Variants in ELF1 observed in about 807,000 individuals in gnomAD.
The protein encoded by ELF1 is E74 like ETS transcription factor 1.
A neutral mutation model predicts 59.9 loss-of-function variants in ELF1; 24 were observed. That is an observed-to-expected ratio of 0.40 (90% CI 0.29 to 0.56). ELF1 has a LOEUF of 0.56. ELF1 is among the 20% of genes least tolerant of loss of function. The pLI is 0.44. For synonymous variants in ELF1, 248 were observed against 266.2 expected (o/e 0.93, Z 0.67); for missense variants, 627 against 742.2 (o/e 0.84, Z 1.80).
At chr13:40,944,909 T>G (rs1870412088) in intron 5 of ELF1, among the ~76,000 whole-genome samples, 1 of 152,112 alleles carries the variant, frequency 6.6e-6, no homozygotes, top group Non-Finnish European at 1.5e-5. Flanking sequence ...CAGTGACAAT[T>G]TATCCCCAGA....
intron 8 of ELF1, among the ~76,000 whole-genome samples, chr13:40,937,976 C>T (rs7326520): frequency 0.52 from 79,514 of 151,806 alleles, 24,404 homozygotes; most frequent in Non-Finnish European, 0.67. Flanking sequence ...GCCACCATAC[C>T]CAGCTAATTT....
rs200136035 is a variant in ELF1 at position 40,975,804 on chromosome 13, GGTAA to G, written c.72+6175_72+6178del. Among the ~76,000 whole-genome samples, 392 of 151,950 alleles carry G rather than the reference GGTAA, an allele frequency of 2.6e-3. 4 individuals are homozygous for G. In the East Asian group the frequency reaches 0.05, roughly 19 times the overall value. On this transcript the variant is annotated intron_variant, in intron 2 of 8. Coordinates refer to ENST00000239882, the MANE Select transcript of ELF1 (RefSeq NM_172373.4). Reference sequence around the variant, plus strand: ...ATATATCCCAGATCATCTAGCAACAGGTAAGTTTTACCTATTTTATAGAAGAGAT... The same window carrying G: ...ATATATCCCAGATCATCTAGCAACAGGTTTTACCTATTTTATAGAAGAGAT...
chr13:40,953,507 C>G (rs1162867738), intron 3 of ELF1, among the ~76,000 whole-genome samples: 1 of 152,124 alleles, frequency 6.6e-6, no homozygotes, highest in African/African-American at 2.4e-5. Flanking sequence ...GACAAGTCAC[C>G]TATAAGTCCA....
intron 1 of ELF1, among the ~76,000 whole-genome samples, chr13:40,989,763 TG>T (rs1873741842): frequency 6.6e-6 from 1 of 152,146 alleles, no homozygotes; most frequent in Non-Finnish European, 1.5e-5. Context: ...TTCTACTACA[TG>T]GTGAAAATTC....
intron 7 of ELF1, among the ~76,000 whole-genome samples, chr13:40,941,758 A>G (rs1160548917): frequency 6.6e-6 from 1 of 152,082 alleles, no homozygotes; most frequent in African/African-American, 2.4e-5. Context: ...CCTGGCCTTA[A>G]GCAATCTTTC....
At chr13:40,934,864 A>G (rs1236990101) in intron 8 of ELF1, among the ~76,000 whole-genome samples, 1 of 152,236 alleles carries the variant, frequency 6.6e-6, no homozygotes, top group Non-Finnish European at 1.5e-5. Context: ...CCTCAGTCTT[A>G]ACCATATGAC....
intron 1 of ELF1, among the ~76,000 whole-genome samples, chr13:41,047,888 G>GAGGA (rs1431790840): frequency 6.6e-6 from 1 of 152,230 alleles, no homozygotes; most frequent in African/African-American, 2.4e-5. Context: ...GGAGTCTACA[G>GAGGA]AGGCAGGCAG....
At chr13:40,935,546 C>A (rs930364479) in intron 8 of ELF1, among the ~76,000 whole-genome samples, 2 of 152,168 alleles carry the variant, frequency 1.3e-5, no homozygotes, top group Non-Finnish European at 2.9e-5. Context: ...GACTAGAGCC[C>A]GCCCATTCAC....
At chr13:41,035,891 C>T (rs964663954) in intron 1 of ELF1, among the ~76,000 whole-genome samples, 4 of 145,904 alleles carry the variant, frequency 2.7e-5, no homozygotes, top group Non-Finnish European at 4.5e-5. Flanking sequence ...CAACAAAAAA[C>T]CTTTTCTTTT....
intron 1 of ELF1, among the ~76,000 whole-genome samples, chr13:41,001,883 A>G (rs1220127741): frequency 6.6e-6 from 1 of 152,146 alleles, no homozygotes; most frequent in Non-Finnish European, 1.5e-5. Context: ...GAAAAAAAAA[A>G]ATGGGGATTG....
chr13:40,940,823 CT>C, intron 8 of ELF1, 97 bp downstream of exon 8: 1 of 1,345,812 alleles, frequency 7.4e-7, no homozygotes, highest in Non-Finnish European at 9.9e-7. Flanking sequence ...AACCTTTATA[CT>C]TTTATTTTCA....
intron 2 of ELF1, among the ~76,000 whole-genome samples, chr13:40,980,235 C>A (rs542120100): frequency 1.6e-4 from 24 of 152,102 alleles, no homozygotes; most frequent in Non-Finnish European, 2.8e-4. Flanking sequence ...CTGTATGATT[C>A]CAGGAAAGTG....
chr13:40,943,223 G>A, intron 6 of ELF1, 79 bp from the exon 7 acceptor site: 3 of 1,234,422 alleles, frequency 2.4e-6, no homozygotes, highest in Non-Finnish European at 3.2e-6. Context: ...AAAAGTCTTA[G>A]AAGTGCCATT....
chr13:40,937,305 A>G (rs1018247714), intron 8 of ELF1, among the ~76,000 whole-genome samples: 1 of 152,230 alleles, frequency 6.6e-6, no homozygotes, highest in African/African-American at 2.4e-5. Context: ...CACAGACCAT[A>G]TAACATTTAG....
intron 1 of ELF1, among the ~76,000 whole-genome samples, chr13:41,043,946 CATTT>C (rs1428644583): frequency 6.6e-6 from 1 of 152,106 alleles, no homozygotes; most frequent in Non-Finnish European, 1.5e-5. Flanking sequence ...AATGTTCTTC[CATTT>C]GTTTGTGTCC....
At chr13:40,951,240 C>T in intron 4 of ELF1, 89 bp downstream of exon 4, 2 of 1,077,416 alleles carry the variant, frequency 1.9e-6, no homozygotes, top group South Asian at 1.8e-5. Flanking sequence ...TATATAACAT[C>T]ATTTCTAATC....
intron 1 of ELF1, chr13:40,983,022 G>C (rs932457338): frequency 4.5e-6 from 1 of 220,104 alleles, no homozygotes; most frequent in Non-Finnish European, 7.7e-6. Context: ...AAACAGAAAC[G>C]CAACTTAGTA....
chr13:40,984,328 C>T (rs979496054), intron 1 of ELF1, among the ~76,000 whole-genome samples: 2 of 152,096 alleles, frequency 1.3e-5, no homozygotes, highest in East Asian at 1.9e-4. Flanking sequence ...TTTTAGCAGG[C>T]TGGTGGGGAA....
chr13:41,053,326 C>A (rs1050779192), intron 1 of ELF1, among the ~76,000 whole-genome samples: 2 of 151,974 alleles, frequency 1.3e-5, no homozygotes, highest in African/African-American at 4.8e-5. Flanking sequence ...TGCACTCCAG[C>A]CTGGGTGACA....
Sources: allele counts gnomAD v4.1 joint callset (sites outside exome capture counted in the v4.1 genomes callset), GRCh38; gene constraint gnomAD v4.1.1; transcripts MANE v1.5; gene names NCBI Gene and HGNC (gene_info 2026-07-23, HGNC 2026-07-21).